Variants in ERN1 observed in about 807,000 individuals in gnomAD.
The protein encoded by ERN1 is serine/threonine-protein kinase/endoribonuclease IRE1.
Under a neutral mutation model 113.1 loss-of-function variants are expected in ERN1, and 39 were observed. The ratio of observed to expected loss-of-function variants is 0.34; its 90% CI spans 0.27 to 0.45. The LOEUF is 0.45. Among genes scored for constraint, ERN1 ranks in the 20% least tolerant of loss-of-function variants. ERN1 has a pLI of 1.00. For missense variants in ERN1, 976 were observed against 1,274.8 expected, an observed-to-expected ratio of 0.77 and a Z score of 3.57; for synonymous variants, 507 against 515.9, an observed-to-expected ratio of 0.98 and a Z score of 0.23.
chr17:64,099,494 T>G (rs563609808), intron 1 of ERN1, among the ~76,000 whole-genome samples: 4 of 152,114 alleles, frequency 2.6e-5, no homozygotes, highest in African/African-American at 9.6e-5. Flanking sequence ...TGTCACATAC[T>G]ATCCTACAAA....
chr17:64,110,280 T>C (rs1914638679), intron 1 of ERN1, among the ~76,000 whole-genome samples: 1 of 152,212 alleles, frequency 6.6e-6, no homozygotes. Flanking sequence ...TTCTGACGTA[T>C]GTATACATTG....
At chr17:64,128,161 ATTTTTTT>A (rs760752335) in intron 1 of ERN1, among the ~76,000 whole-genome samples, 1,318 of 126,396 alleles carry the variant, frequency 0.01, 13 homozygotes, top group Middle Eastern at 0.02. Context: ...CGCCCGGCTA[ATTTTTTT>A]TTTTTTTTTT....
At chr17:64,067,548 C>CA (rs1288531135) in intron 7 of ERN1, among the ~76,000 whole-genome samples, 1 of 151,028 alleles carries the variant, frequency 6.6e-6, no homozygotes, top group Non-Finnish European at 1.5e-5. Context: ...TTTCAGGCTG[C>CA]AGTGAGCCCT....
rs1434711018 is a variant in ERN1 at position 64,040,466 on chromosome 17, G to A, written c.*3522C>T. 6.6e-6 allele frequency: 1 copy of A among 152,278 alleles called. No individual in the cohort carries two copies. Among genetic ancestry groups the A allele is most frequent in the Non-Finnish European group, 1.5e-5 (1 of 68,068 alleles). 9.4% of individuals were successfully genotyped at this position (152,278 alleles called of 1,614,324 possible). On this transcript the variant is annotated 3_prime_UTR_variant, in exon 22 of 22. Coordinates refer to ENST00000433197, the MANE Select transcript of ERN1 (RefSeq NM_001433.5). Reference sequence around the variant, plus strand: ...AATCCAAAGGTCCCCCCATCTGCATGAACGGTTTGATCAGCAACCAATTAA... The same window carrying A: ...AATCCAAAGGTCCCCCCATCTGCATAAACGGTTTGATCAGCAACCAATTAA...
At chr17:64,102,382 T>A (rs765110588) in intron 1 of ERN1, among the ~76,000 whole-genome samples, 1 of 152,222 alleles carries the variant, frequency 6.6e-6, no homozygotes, top group Non-Finnish European at 1.5e-5. Context: ...ATTTGGCAAC[T>A]GAGAATTCTG....
Position 64,055,867 on chromosome 17 carries a change from G to C in ERN1, c.1480C>G (p.Gln494Glu), listed in dbSNP as rs1244149705. Residue 494 changes from glutamine (Q) to glutamate (E), a missense_variant, in exon 13 of 22, where the codon CAG becomes GAG. By Grantham distance (29) the Gln-to-Glu change is conservative. Transcript: ENST00000433197. The stretch of plus-strand genomic sequence containing the variant: ...CCAGGTGGGTGGAAGGGCAGCTGCT[G>C]CTGCTGCTGCTGCAGGAGCTGGATC... ...EKIQLLQQQQ[Q>E]QLPFHPPGDT... 6.4e-7 allele frequency: 1 copy of C among 1,551,318 alleles called. No individual in the cohort carries two copies. The highest frequency in any genetic ancestry group is 8.7e-7 in the Non-Finnish European group (1 of 1,147,076).
intron 18 of ERN1, among the ~76,000 whole-genome samples, 171 bp from the exon 19 acceptor site, chr17:64,048,156 C>A (rs1912571519): frequency 6.6e-6 from 1 of 152,210 alleles, no homozygotes; most frequent in Non-Finnish European, 1.5e-5. Context: ...GGTGAGTCCT[C>A]ACTGCATGGT....
intron 1 of ERN1, among the ~76,000 whole-genome samples, chr17:64,104,103 G>A (rs1034809169): frequency 3.3e-5 from 5 of 152,098 alleles, no homozygotes; most frequent in Non-Finnish European, 7.4e-5. Flanking sequence ...TTTGCCAGGT[G>A]TTGTGGTTTA....
intron 1 of ERN1, among the ~76,000 whole-genome samples, chr17:64,100,269 C>T (rs1326209651): frequency 6.6e-6 from 1 of 152,098 alleles, no homozygotes; most frequent in Non-Finnish European, 1.5e-5. Flanking sequence ...AATGGGTGTG[C>T]AGCTTGGTGT....
At chr17:64,119,699 T>C (rs987500331) in intron 1 of ERN1, among the ~76,000 whole-genome samples, 1 of 151,640 alleles carries the variant, frequency 6.6e-6, no homozygotes, top group African/African-American at 2.4e-5. Flanking sequence ...GAACTAGAAA[T>C]AAAGTTAGAA....
chr17:64,046,218 G>C (rs1255746257), intron 19 of ERN1, among the ~76,000 whole-genome samples: 1 of 152,228 alleles, frequency 6.6e-6, no homozygotes, highest in African/African-American at 2.4e-5. Context: ...GATGAAGCCA[G>C]ACTGGCTGAA....
In ERN1 at chr17:64,065,231, A is replaced by G; in HGVS notation, c.899T>C (p.Val300Ala). ...TACCACGACAGCAACCCCCTCGTGT[A>G]CCATTGAGGGAGAGGCATAGAGGCT... ...STSLYASPSMVHEGVAVVPRG... is the reference protein window; with the variant it reads ...STSLYASPSMAHEGVAVVPRG... Residue 300 changes from valine (V) to alanine (A), a missense_variant, in exon 9 of 22, where the codon GTA becomes GCA. Around this residue, in one of 5 missense-constraint regions of ERN1, gnomAD observed 459 missense variants for 581.2 expected, o/e 0.79. Coordinates refer to ENST00000433197, the MANE Select transcript of ERN1 (RefSeq NM_001433.5). The G allele has an allele frequency of 6.2e-7, 1 of 1,608,928 alleles. No individual in the cohort carries two copies. Among genetic ancestry groups the G allele is most frequent in the Non-Finnish European group, 8.5e-7 (1 of 1,177,562 alleles).
intron 13 of ERN1, among the ~76,000 whole-genome samples, chr17:64,055,063 CA>C (rs1912815584): frequency 6.6e-6 from 1 of 152,216 alleles, no homozygotes; most frequent in Non-Finnish European, 1.5e-5. Flanking sequence ...TGTGCGATTG[CA>C]TATCTTAAAA....
chr17:64,093,675 C>A (rs1182747107), intron 2 of ERN1, among the ~76,000 whole-genome samples: 1 of 152,138 alleles, frequency 6.6e-6, no homozygotes, highest in Non-Finnish European at 1.5e-5. Flanking sequence ...CCTAAGGGCC[C>A]CATCTTCATG....
At chr17:64,122,532 C>T (rs1914980519) in intron 1 of ERN1, among the ~76,000 whole-genome samples, 1 of 152,152 alleles carries the variant, frequency 6.6e-6, no homozygotes, top group African/African-American at 2.4e-5. Context: ...TTCTGGAATT[C>T]TTTGGAAATT....
chr17:64,086,566 A>G (rs1913930393), intron 2 of ERN1, among the ~76,000 whole-genome samples: 1 of 150,520 alleles, frequency 6.6e-6, no homozygotes, highest in Non-Finnish European at 1.5e-5. Flanking sequence ...GTGTGAATAA[A>G]GCTTCTGTGA....
chr17:64,128,161 A>ATTTTTTTTTTTT (rs760752335), intron 1 of ERN1, among the ~76,000 whole-genome samples: 1 of 126,396 alleles, frequency 7.9e-6, no homozygotes, highest in African/African-American at 3.2e-5. Context: ...CGCCCGGCTA[A>ATTTTTTTTTTTT]TTTTTTTTTT....
chr17:64,113,638 T>G (rs976788525), intron 1 of ERN1, among the ~76,000 whole-genome samples: 1 of 149,172 alleles, frequency 6.7e-6, no homozygotes, highest in Admixed American at 6.7e-5. Context: ...GCCTCTGGAG[T>G]AGCTGGGATT....
At chr17:64,110,684 T>C (rs761972761) in intron 1 of ERN1, among the ~76,000 whole-genome samples, 5 of 152,258 alleles carry the variant, frequency 3.3e-5, no homozygotes, top group South Asian at 2.1e-4. Context: ...AGCAATAAGA[T>C]GCTCACACAA....
Sources: gnomAD v4.1 joint callset for allele counts (sites outside exome capture counted in the v4.1 genomes callset) on GRCh38, gnomAD v4.1.1 for gene constraint, gnomAD v4.1.1 regional missense constraint, MANE v1.5 for transcripts, NCBI Gene and HGNC (gene_info 2026-07-23, HGNC 2026-07-21) for gene names.